PRLR: variants seen among roughly 807,000 people sequenced by gnomAD.
PRLR encodes the protein hPRL receptor.
PRLR carries 13 observed loss-of-function variants against 40.2 expected under a neutral mutation model. The ratio of observed to expected loss-of-function variants is 0.32; its 90% CI spans 0.21 to 0.51. The LOEUF (loss-of-function observed/expected upper bound fraction) is 0.51. Among genes scored for constraint, PRLR ranks in the 20% least tolerant of loss-of-function variants. The pLI, the probability that PRLR is intolerant of heterozygous loss-of-function variation, is 0.97. For synonymous variants in PRLR, 269 were observed against 278.7 expected, an observed-to-expected ratio of 0.97 and a Z score of 0.35; for missense variants, 656 against 747.3, an observed-to-expected ratio of 0.88 and a Z score of 1.42.
At chr5:35,219,560 TAAATGTC>T (rs1776366665) in intron 1 of PRLR, among the ~76,000 whole-genome samples, 1 of 152,202 alleles carries the variant, frequency 6.6e-6, no homozygotes, top group Non-Finnish European at 1.5e-5. Flanking sequence ...AAGCCCCATG[TAAATGTC>T]TGACAGCAGG....
chr5:35,172,336 C>T (rs776963500), intron 1 of PRLR, among the ~76,000 whole-genome samples: 3 of 151,976 alleles, frequency 2.0e-5, no homozygotes, highest in Non-Finnish European at 4.4e-5. Context: ...CTTCTGACTC[C>T]CAGGATGAGC....
At chr5:35,133,990 T>C (rs549263307) in intron 1 of PRLR, among the ~76,000 whole-genome samples, 1 of 152,202 alleles carries the variant, frequency 6.6e-6, no homozygotes, top group Admixed American at 6.5e-5. Flanking sequence ...ACGATGAGGA[T>C]GCAAAGGCAT....
At chr5:35,151,199 T>G (rs1609785) in intron 1 of PRLR, among the ~76,000 whole-genome samples, 129,446 of 152,108 alleles carry the variant, frequency 0.85, 56,717 homozygotes, top group South Asian at 0.96. Context: ...AGTGATATAA[T>G]TCCCTTCCAG....
chr5:35,078,935 G>T (rs202191812), intron 5 of PRLR, among the ~76,000 whole-genome samples: 2 of 152,144 alleles, frequency 1.3e-5, no homozygotes, highest in African/African-American at 4.8e-5. Context: ...ATCCATCATA[G>T]AAACAGAACC....
intron 2 of PRLR, among the ~76,000 whole-genome samples, chr5:35,110,222 T>TG (rs1261834966): frequency 1.3e-5 from 2 of 151,936 alleles, no homozygotes; most frequent in African/African-American, 4.8e-5. Context: ...TGTCATTGGA[T>TG]GGGGGGAGGG....
At chr5:35,080,105 A>G (rs376072609) in intron 5 of PRLR, among the ~76,000 whole-genome samples, 1 of 152,196 alleles carries the variant, frequency 6.6e-6, no homozygotes, top group Non-Finnish European at 1.5e-5. Context: ...AACCTAGGCA[A>G]TACCATTCAG....
intron 2 of PRLR, among the ~76,000 whole-genome samples, chr5:35,093,169 C>A (rs571158052): frequency 6.6e-6 from 1 of 152,282 alleles, no homozygotes; most frequent in East Asian, 1.9e-4. Context: ...GAGCCAGTCT[C>A]CCTACATGGA....
intron 1 of PRLR, among the ~76,000 whole-genome samples, chr5:35,163,185 G>A (rs1774726642): frequency 6.6e-6 from 1 of 152,108 alleles, no homozygotes; most frequent in South Asian, 2.1e-4. Flanking sequence ...TTTGGAGAGG[G>A]CCCCTGTTTC....
At chr5:35,070,101 C>A in intron 7 of PRLR, 23 bp downstream of exon 7, 1 of 1,588,206 alleles carries the variant, frequency 6.3e-7, no homozygotes, top group Non-Finnish European at 8.5e-7. Flanking sequence ...GGGACATAAG[C>A]AAAAAAGAGC....
chr5:35,088,254 C>T (rs1159931840), intron 3 of PRLR, among the ~76,000 whole-genome samples: 1 of 152,170 alleles, frequency 6.6e-6, no homozygotes, highest in Non-Finnish European at 1.5e-5. Context: ...GTCAGCTCTG[C>T]CAATATTTGT....
chr5:35,066,216 T>A, intron 9 of PRLR, 114 bp from the exon 10 acceptor site: 1 of 1,074,556 alleles, frequency 9.3e-7, no homozygotes, highest in Non-Finnish European at 1.3e-6. Context: ...GATCTCAAAC[T>A]TCAGACATTT....
In PRLR at chr5:35,068,237, T is replaced by A; in HGVS notation, c.834A>T (p.Gly278=). ...TTACCTCCAACAGATGAGCATCAAA[T>A]CCTTTTATTTTTGGCCCAGGAACTG... ...FPPVPGPKIK[G]FDAHLLEKGK... The change falls in exon 9 of 10, where the codon GGA becomes GGT. Residue 278 remains glycine, a synonymous_variant. Coordinates refer to ENST00000618457, the MANE Select transcript of PRLR (RefSeq NM_000949.7). 6.2e-7 allele frequency: 1 copy of A among 1,613,176 alleles called. No individual in the cohort carries two copies. Among genetic ancestry groups the A allele is most frequent in the Non-Finnish European group, 8.5e-7 (1 of 1,179,138 alleles).
downstream of PRLR, among the ~76,000 whole-genome samples, chr5:35,055,346 G>A (rs1415074902): frequency 6.6e-6 from 1 of 151,972 alleles, no homozygotes; most frequent in Non-Finnish European, 1.5e-5. Flanking sequence ...GAAACTTCTG[G>A]GTGCTTCCAA....
intron 1 of PRLR, among the ~76,000 whole-genome samples, chr5:35,166,116 C>T (rs1774819133): frequency 6.6e-6 from 1 of 152,160 alleles, no homozygotes; most frequent in South Asian, 2.1e-4. Flanking sequence ...AGGTTTGAGA[C>T]AGAACAAGAC....
chr5:35,068,727 A>C, intron 8 of PRLR, 52 bp downstream of exon 8: 1 of 1,325,972 alleles, frequency 7.5e-7, no homozygotes, highest in Non-Finnish European at 1.1e-6. Flanking sequence ...TTTTTTTGTC[A>C]TTATCCTTGA....
At chr5:35,169,642 G>T (rs772776042) in intron 1 of PRLR, among the ~76,000 whole-genome samples, 2 of 152,258 alleles carry the variant, frequency 1.3e-5, no homozygotes, top group Admixed American at 6.5e-5. Flanking sequence ...TTTTAGCAAT[G>T]ATTCTTATGA....
chr5:35,124,845 G>A (rs962704340), intron 1 of PRLR, among the ~76,000 whole-genome samples: 2 of 152,166 alleles, frequency 1.3e-5, no homozygotes, highest in African/African-American at 2.4e-5. Flanking sequence ...TTTCCAAAAT[G>A]TTTTTCATCT....
chr5:35,055,388 C>T (rs183587014), downstream of PRLR, among the ~76,000 whole-genome samples: 371 of 152,104 alleles, frequency 2.4e-3, 1 homozygote, highest in African/African-American at 8.4e-3. Flanking sequence ...TCGAGTCTGG[C>T]AGATGAATAA....
chr5:35,050,459 A>G (rs1372580439), intron 8 of PRLR, among the ~76,000 whole-genome samples: 2 of 152,226 alleles, frequency 1.3e-5, no homozygotes, highest in Non-Finnish European at 2.9e-5. Flanking sequence ...GATCAGGTAT[A>G]ATATTCTCCA....
Sources: allele counts gnomAD v4.1 joint callset (sites outside exome capture counted in the v4.1 genomes callset), GRCh38; gene constraint gnomAD v4.1.1; transcripts MANE v1.5; gene names NCBI Gene and HGNC (gene_info 2026-07-23, HGNC 2026-07-21).